The following SLC35F4 variants were observed in gnomAD, a reference collection of about 807,000 sequenced individuals.
SLC35F4 encodes solute carrier family 35 member F4.
SLC35F4 carries 24 observed loss-of-function variants against 44.2 expected under a neutral mutation model. That is an observed-to-expected ratio of 0.54 (90% CI 0.39 to 0.76). The LOEUF (loss-of-function observed/expected upper bound fraction) is 0.76. SLC35F4 is among the 30% of genes least tolerant of loss of function. The probability of loss-of-function intolerance (pLI) is 0.00; values close to 1 mark genes in which losing one functional copy is unlikely to be tolerated. For synonymous variants in SLC35F4, 238 were observed against 223.6 expected, an observed-to-expected ratio of 1.06 and a Z score of -0.57; for missense variants, 562 against 586.1, an observed-to-expected ratio of 0.96 and a Z score of 0.42.
chr14:57,945,099 A>C (rs941524153), intron 1 of SLC35F4, among the ~76,000 whole-genome samples: 1 of 152,200 alleles, frequency 6.6e-6, no homozygotes, highest in African/African-American at 2.4e-5. Context: ...ATAGTTTACT[A>C]TGGCATGCAT....
At chr14:57,661,986 G>C (rs17093532) in intron 1 of SLC35F4, among the ~76,000 whole-genome samples, 2,083 of 152,266 alleles carry the variant, frequency 0.014, 50 homozygotes, top group African/African-American at 0.048. Flanking sequence ...GGTGAGACCT[G>C]TGGTGATCTG....
intron 1 of SLC35F4, among the ~76,000 whole-genome samples, chr14:57,631,433 A>G (rs1400058096): frequency 6.6e-6 from 1 of 152,134 alleles, no homozygotes; most frequent in African/African-American, 2.4e-5. Context: ...ATTGTTGATC[A>G]TAATGTTGCT....
chr14:57,730,618 T>C (rs1012643146), intron 1 of SLC35F4, among the ~76,000 whole-genome samples: 1 of 152,214 alleles, frequency 6.6e-6, no homozygotes, highest in Non-Finnish European at 1.5e-5. Context: ...CTTGTTCTTA[T>C]GAGGAACTCT....
chr14:57,897,255 G>C (rs1279677246), intron 1 of SLC35F4, among the ~76,000 whole-genome samples: 9 of 151,978 alleles, frequency 5.9e-5, no homozygotes, highest in African/African-American at 9.7e-5. Context: ...TCCCTGATAG[G>C]GTTAAAGCTC....
At chr14:57,946,977 C>T (rs1890044777) in intron 1 of SLC35F4, among the ~76,000 whole-genome samples, 1 of 151,940 alleles carries the variant, frequency 6.6e-6, no homozygotes. Context: ...TTTTTGGTTC[C>T]ATGTGAATTT....
intron 1 of SLC35F4, among the ~76,000 whole-genome samples, chr14:57,691,896 G>A (rs1344126401): frequency 6.6e-6 from 1 of 152,150 alleles, no homozygotes; most frequent in Non-Finnish European, 1.5e-5. Flanking sequence ...AATCTTGCAG[G>A]ATGTGATAGA....
intron 1 of SLC35F4, among the ~76,000 whole-genome samples, chr14:57,626,056 G>A (rs1378951447): frequency 1.3e-5 from 2 of 149,582 alleles, no homozygotes; most frequent in East Asian, 3.9e-4. Flanking sequence ...ATCATTCTCA[G>A]CAAACTAACA....
At chr14:57,859,372 CA>C (rs1475060056) in intron 1 of SLC35F4, among the ~76,000 whole-genome samples, 1 of 152,034 alleles carries the variant, frequency 6.6e-6, no homozygotes, top group Non-Finnish European at 1.5e-5. Flanking sequence ...GGATATATAC[CA>C]AAATGTTAAC....
chr14:57,975,666 A>C (rs981334875), downstream of SLC35F4, among the ~76,000 whole-genome samples: 1 of 152,250 alleles, frequency 6.6e-6, no homozygotes, highest in African/African-American at 2.4e-5. Context: ...AATGTAATCT[A>C]GATGGCCCAG....
intron 1 of SLC35F4, among the ~76,000 whole-genome samples, chr14:57,832,029 C>G (rs1220744744): frequency 6.6e-6 from 1 of 152,184 alleles, no homozygotes; most frequent in African/African-American, 2.4e-5. Context: ...TCAGGAGTCC[C>G]ACTGAGGCTT....
At chr14:57,894,666 T>C (rs1340456778) in intron 1 of SLC35F4, among the ~76,000 whole-genome samples, 1 of 152,162 alleles carries the variant, frequency 6.6e-6, no homozygotes, top group Non-Finnish European at 1.5e-5. Context: ...TGCAGAATTT[T>C]TATAAAATTT....
upstream of SLC35F4, among the ~76,000 whole-genome samples, chr14:57,866,432 C>A (rs1888160078): frequency 2.0e-5 from 3 of 152,284 alleles, no homozygotes; most frequent in South Asian, 6.2e-4. Context: ...TGCTGATATG[C>A]AAGCATTCCC....
At chr14:57,836,383 C>A (rs1566892909) in intron 1 of SLC35F4, among the ~76,000 whole-genome samples, 1 of 152,178 alleles carries the variant, frequency 6.6e-6, no homozygotes, top group Non-Finnish European at 1.5e-5. Flanking sequence ...ACCTCCGACT[C>A]CCTGGTTCAA....
chr14:57,778,786 C>T (rs538974751), intron 1 of SLC35F4, among the ~76,000 whole-genome samples: 76 of 151,568 alleles, frequency 5.0e-4, no homozygotes, highest in African/African-American at 1.7e-3. Flanking sequence ...CAGACCACAG[C>T]GCAATAAAAA....
intron 1 of SLC35F4, among the ~76,000 whole-genome samples, chr14:57,788,924 C>T (rs989264843): frequency 4.6e-5 from 7 of 151,974 alleles, no homozygotes; most frequent in Admixed American, 2.6e-4. Context: ...GGGTACATAA[C>T]GAAATGAAGG....
At chr14:57,754,867 C>T (rs2076960521) in intron 1 of SLC35F4, among the ~76,000 whole-genome samples, 2 of 152,214 alleles carry the variant, frequency 1.3e-5, no homozygotes, top group African/African-American at 2.4e-5. Context: ...CCTGATTTCC[C>T]TTCTCTGACT....
chr14:57,828,610 G>A lies in SLC35F4; in HGVS notation c.103+37113C>T, dbSNP rs114132424. Among the ~76,000 whole-genome samples the A allele has an allele frequency of 4.3e-3, 650 of 152,242 alleles. 1 individual carries two copies. Among genetic ancestry groups the A allele is most frequent in the African/African-American group, 0.015 (614 of 41,544 alleles). On this transcript the variant is annotated intron_variant, in intron 1 of 7. Transcript: ENST00000556826. The stretch of plus-strand genomic sequence containing the variant: ...TTTTTAAATTTAATGTAAACAGCCT[G>A]TGCTCTCTGCCAAATTCTTAAATAT...
chr14:57,963,419 T>A (rs1481701062), intron 1 of SLC35F4, among the ~76,000 whole-genome samples: 1 of 152,146 alleles, frequency 6.6e-6, no homozygotes, highest in African/African-American at 2.4e-5. Context: ...GCTCACATCT[T>A]CTCAGCCCAG....
At chr14:57,924,052 G>C (rs923184964) in intron 1 of SLC35F4, among the ~76,000 whole-genome samples, 5 of 152,166 alleles carry the variant, frequency 3.3e-5, no homozygotes, top group African/African-American at 1.2e-4. Context: ...TCCCTGTACA[G>C]GCTCTCTCTT....
Sources: gnomAD v4.1 joint callset for allele counts (sites outside exome capture counted in the v4.1 genomes callset) on GRCh38, gnomAD v4.1.1 for gene constraint, MANE v1.5 for transcripts, NCBI Gene and HGNC (gene_info 2026-07-23, HGNC 2026-07-21) for gene names.